Variants in SLC35F3 observed in about 807,000 individuals in gnomAD.
SLC35F3 encodes the protein putative thiamine transporter SLC35F3.
A neutral mutation model predicts 49.9 loss-of-function variants in SLC35F3; 25 were observed. The observed-to-expected ratio is 0.50, with a 90% CI of 0.37 to 0.70. SLC35F3 has a LOEUF of 0.70. SLC35F3 is among the 30% of genes least tolerant of loss of function. The pLI, the probability that SLC35F3 is intolerant of heterozygous loss-of-function variation, is 0.00. For synonymous variants in SLC35F3, 275 were observed against 265.4 expected (o/e 1.04, Z -0.35); for missense variants, 525 against 639.8 (o/e 0.82, Z 1.94).
intron 3 of SLC35F3, among the ~76,000 whole-genome samples, chr1:234,240,185 G>A (rs1667531779): frequency 1.3e-5 from 2 of 152,194 alleles, no homozygotes; most frequent in Admixed American, 6.5e-5. Context: ...TGATGAGGGG[G>A]AGGGCTGGGC....
At chr1:233,970,870 G>A (rs1662979779) in intron 2 of SLC35F3, among the ~76,000 whole-genome samples, 1 of 152,356 alleles carries the variant, frequency 6.6e-6, no homozygotes, top group African/African-American at 2.4e-5. Context: ...CACTGTTTAT[G>A]TGGTTCTTTG....
intron 2 of SLC35F3, among the ~76,000 whole-genome samples, chr1:233,960,755 G>A (rs980220644): frequency 1.3e-5 from 2 of 152,198 alleles, no homozygotes; most frequent in African/African-American, 4.8e-5. Context: ...CCCACTGCCA[G>A]CATTCCCCCT....
chr1:234,212,465 G>T (rs182560964), intron 2 of SLC35F3: 1 of 152,304 alleles, frequency 6.6e-6, no homozygotes, highest in East Asian at 1.9e-4. Context: ...AGAGAATAAC[G>T]TACTGGTTAT....
intron 2 of SLC35F3, among the ~76,000 whole-genome samples, chr1:234,126,492 T>TGTGTGTGTGTGTGTGTGTGTGTGTGTG: frequency 6.6e-6 from 1 of 151,978 alleles, no homozygotes; most frequent in Non-Finnish European, 1.5e-5. Context: ...TGTGTGTGTG[T>TGTGTGTGTGTGTGTGTGTGTGTGTGTG]ATTTAGTTCT....
chr1:234,265,239 C>T (rs1340369001), intron 3 of SLC35F3, among the ~76,000 whole-genome samples: 1 of 152,186 alleles, frequency 6.6e-6, no homozygotes. Flanking sequence ...TGTTCTATTC[C>T]TCTCACAATC....
intron 2 of SLC35F3, among the ~76,000 whole-genome samples, chr1:234,224,368 C>G (rs1327820323): frequency 6.6e-6 from 1 of 152,204 alleles, no homozygotes; most frequent in Non-Finnish European, 1.5e-5. Context: ...CTCCCAGCCT[C>G]TTTAATTTTA....
intron 2 of SLC35F3, among the ~76,000 whole-genome samples, chr1:234,139,975 A>AAAATAAAATAAAATAAATAAAAT (rs1365511470): frequency 7.2e-6 from 1 of 139,304 alleles, no homozygotes; most frequent in Non-Finnish European, 1.6e-5. Flanking sequence ...AAAATAAAAT[A>AAAATAAAATAAAATAAATAAAAT]AAATAAAATA....
chr1:234,260,593 C>A (rs1667888395), intron 3 of SLC35F3, among the ~76,000 whole-genome samples: 1 of 152,144 alleles, frequency 6.6e-6, no homozygotes. Flanking sequence ...TGAGGGGTAA[C>A]ATTCTGGGGT....
intron 2 of SLC35F3, among the ~76,000 whole-genome samples, chr1:234,055,606 G>A (rs1030148314): frequency 5.3e-5 from 8 of 152,120 alleles, no homozygotes; most frequent in Non-Finnish European, 7.3e-5. Flanking sequence ...TGTGCTTCCC[G>A]GGTGAGGTGA....
intron 2 of SLC35F3, among the ~76,000 whole-genome samples, chr1:233,933,035 T>TAAAAAAAAAA (rs59669736): frequency 1.3e-4 from 17 of 134,894 alleles, no homozygotes; most frequent in East Asian, 4.3e-4. Flanking sequence ...GCTATTTAAG[T>TAAAAAAAAAA]AAAAAAAAAA....
At chr1:234,164,915 G>T (rs1666290828) in intron 2 of SLC35F3, among the ~76,000 whole-genome samples, 1 of 152,080 alleles carries the variant, frequency 6.6e-6, no homozygotes, top group African/African-American at 2.4e-5. Context: ...AAACAGACAA[G>T]TGTTTGAGCT....
intron 2 of SLC35F3, among the ~76,000 whole-genome samples, chr1:234,124,048 G>A (rs542088565): frequency 1.3e-5 from 2 of 152,302 alleles, no homozygotes; most frequent in East Asian, 3.9e-4. Flanking sequence ...GATGTCACAG[G>A]AAACAGAGCC....
intron 3 of SLC35F3, among the ~76,000 whole-genome samples, chr1:234,271,420 G>T (rs934926400): frequency 6.6e-6 from 1 of 152,184 alleles, no homozygotes; most frequent in African/African-American, 2.4e-5. Context: ...GTGGAAACTA[G>T]TAATACAGAA....
At chr1:234,227,731 A>G (rs1572104168) in intron 2 of SLC35F3, among the ~76,000 whole-genome samples, 2 of 152,342 alleles carry the variant, frequency 1.3e-5, no homozygotes, top group South Asian at 4.1e-4. Flanking sequence ...TAAAAGAGTG[A>G]AATCAAACAA....
intron 2 of SLC35F3, among the ~76,000 whole-genome samples, chr1:234,093,245 T>C (rs1348166008): frequency 6.6e-6 from 1 of 152,248 alleles, no homozygotes; most frequent in Non-Finnish European, 1.5e-5. Context: ...CCAGAATGTA[T>C]ATTTGAGAAC....
chr1:234,203,346 C>T (rs1156370256), intron 2 of SLC35F3, among the ~76,000 whole-genome samples: 1 of 152,130 alleles, frequency 6.6e-6, no homozygotes, highest in African/African-American at 2.4e-5. Context: ...AAGACGTTTC[C>T]CATTTTTATT....
intron 3 of SLC35F3, among the ~76,000 whole-genome samples, chr1:234,250,828 T>C (rs1667727293): frequency 6.6e-6 from 1 of 152,080 alleles, no homozygotes; most frequent in African/African-American, 2.4e-5. Flanking sequence ...GGCACCACAC[T>C]CTTTTTAACA....
Position 234,204,265 on chromosome 1 carries a change from A to G in SLC35F3, c.284-27152A>G, listed in dbSNP as rs138601294. On this transcript the variant is annotated intron_variant, in intron 2 of 7. Coordinates refer to ENST00000366618, the MANE Select transcript of SLC35F3 (RefSeq NM_173508.4). Reference sequence around the variant, plus strand: ...GCCAGAACTTTGATATATATTATCAACCTTCTAAAAAGATATATCAATTTT... The same window carrying G: ...GCCAGAACTTTGATATATATTATCAGCCTTCTAAAAAGATATATCAATTTT... Among the ~76,000 whole-genome samples, 3 of 152,294 alleles carry G rather than the reference A, an allele frequency of 2.0e-5. No individual in the cohort carries two copies. The East Asian group carries it at 5.8e-4, about 29-fold the overall frequency.
intron 2 of SLC35F3, among the ~76,000 whole-genome samples, chr1:233,916,557 T>A (rs1209536237): frequency 6.6e-6 from 1 of 152,248 alleles, no homozygotes; most frequent in Non-Finnish European, 1.5e-5. Flanking sequence ...TTTATAGGTT[T>A]ATCTGATTTA....
Sources: gnomAD v4.1 joint callset for allele counts (sites outside exome capture counted in the v4.1 genomes callset) on GRCh38, gnomAD v4.1.1 for gene constraint, MANE v1.5 for transcripts, NCBI Gene and HGNC (gene_info 2026-07-23, HGNC 2026-07-21) for gene names.